The following SEMA3A variants were observed in gnomAD, a reference collection of about 807,000 sequenced individuals.
SEMA3A encodes the protein semaphorin-3A.
SEMA3A carries 29 observed loss-of-function variants against 97.9 expected under a neutral mutation model. That is an observed-to-expected ratio of 0.30 (90% CI 0.22 to 0.40). SEMA3A has a LOEUF of 0.40. SEMA3A is among the 10% of genes least tolerant of loss of function. SEMA3A has a pLI of 1.00. For missense variants in SEMA3A, 763 were observed against 951.3 expected (o/e 0.80, Z 2.60); for synonymous variants, 321 against 323.7 (o/e 0.99, Z 0.09).
intron 1 of SEMA3A, among the ~76,000 whole-genome samples, chr7:84,411,473 G>GC (rs2116250873): frequency 6.6e-6 from 1 of 151,836 alleles, no homozygotes; most frequent in East Asian, 1.9e-4. Context: ...CAAAATATCA[G>GC]CCTAACCAGT....
intron 1 of SEMA3A, among the ~76,000 whole-genome samples, chr7:84,437,228 C>CA (rs1446427615): frequency 1.3e-5 from 2 of 151,918 alleles, no homozygotes; most frequent in Admixed American, 6.6e-5. Flanking sequence ...TCCTAGAGAT[C>CA]AGTTACAATA....
intron 1 of SEMA3A, among the ~76,000 whole-genome samples, chr7:84,180,742 A>G (rs71558712): frequency 0.063 from 9,643 of 152,130 alleles, 357 homozygotes; most frequent in African/African-American, 0.094. Context: ...CTGATGATAC[A>G]CTAAATCCTA....
chr7:84,125,640 C>T (rs1795769696), intron 3 of SEMA3A, among the ~76,000 whole-genome samples: 1 of 152,154 alleles, frequency 6.6e-6, no homozygotes, highest in Non-Finnish European at 1.5e-5. Flanking sequence ...ATTGAGGCTG[C>T]TGAACTAACT....
At chr7:83,995,117 A>G (rs1212839970) in intron 12 of SEMA3A, among the ~76,000 whole-genome samples, 2 of 152,054 alleles carry the variant, frequency 1.3e-5, no homozygotes, top group Admixed American at 6.6e-5. Flanking sequence ...GACTCGGAAA[A>G]GGAACTCCCT....
chr7:84,362,275 C>T (rs1305064768), intron 2 of SEMA3A, among the ~76,000 whole-genome samples: 1 of 151,850 alleles, frequency 6.6e-6, no homozygotes, highest in East Asian at 1.9e-4. Context: ...ATTCAGTTAC[C>T]ATATTTATAA....
At chr7:84,010,407 G>A (rs1790831381) in intron 9 of SEMA3A, among the ~76,000 whole-genome samples, 1 of 152,102 alleles carries the variant, frequency 6.6e-6, no homozygotes, top group African/African-American at 2.4e-5. Flanking sequence ...AAGGTTTAAA[G>A]AATGCAGAAA....
chr7:84,282,571 C>T (rs1317475435), intron 3 of SEMA3A, among the ~76,000 whole-genome samples: 1 of 152,098 alleles, frequency 6.6e-6, no homozygotes, highest in African/African-American at 2.4e-5. Flanking sequence ...ATTCTAACAA[C>T]CTTCTCTAAG....
At chr7:84,207,486 C>T (rs954101304) in intron 3 of SEMA3A, among the ~76,000 whole-genome samples, 13 of 152,116 alleles carry the variant, frequency 8.5e-5, no homozygotes, top group African/African-American at 2.9e-4. Context: ...GGTTAAAGAC[C>T]ATTTTCTTAC....
chr7:84,338,042 T>C (rs10259819), intron 2 of SEMA3A, among the ~76,000 whole-genome samples: 59 of 152,112 alleles, frequency 3.9e-4, no homozygotes, highest in African/African-American at 1.3e-3. Context: ...AATATTTTTA[T>C]CATAATGTTC....
chr7:83,956,915 CT>C lies in SEMA3A; in HGVS notation c.*4455del, dbSNP rs899540731. 31 of 149,404 alleles carry C rather than the reference CT, an allele frequency of 2.1e-4. No homozygotes were observed. The highest frequency in any genetic ancestry group is 4.7e-4 in the Admixed American group (7 of 14,932). 9.3% of individuals were successfully genotyped at this position (149,404 alleles called of 1,614,324 possible). On this transcript the variant is annotated 3_prime_UTR_variant, in exon 17 of 17. Coordinates refer to ENST00000265362, the MANE Select transcript of SEMA3A (RefSeq NM_006080.3). ...ATCTCTCTCCACAAGTTAATTCCTC[CT>C]TTTTTTTTTCTTTGATCCATACCGC...
chr7:84,070,028 AGT>A, intron 4 of SEMA3A, among the ~76,000 whole-genome samples: 1 of 152,266 alleles, frequency 6.6e-6, no homozygotes, highest in South Asian at 2.1e-4. Context: ...GTTTTGGAAG[AGT>A]GTGAAATAGA....
intron 1 of SEMA3A, among the ~76,000 whole-genome samples, chr7:84,147,921 T>G (rs1796511004): frequency 6.6e-6 from 1 of 152,122 alleles, no homozygotes; most frequent in Admixed American, 6.5e-5. Context: ...CCTTCCTTTT[T>G]GTTTTTGAGA....
chr7:84,410,502 A>C (rs1443139098), intron 1 of SEMA3A, among the ~76,000 whole-genome samples: 3 of 152,140 alleles, frequency 2.0e-5, no homozygotes, highest in Non-Finnish European at 4.4e-5. Flanking sequence ...CTTATGTTAC[A>C]TGAAAGCACC....
intron 6 of SEMA3A, among the ~76,000 whole-genome samples, 157 bp downstream of exon 6, chr7:84,046,167 T>G (rs1792339672): frequency 6.6e-6 from 1 of 152,052 alleles, no homozygotes; most frequent in Admixed American, 6.6e-5. Context: ...TTTCTTTCTT[T>G]GCCGAACTTT....
rs181877434 is a variant in SEMA3A, at chr7:84,246,211, A to T, written c.-82-51543T>A. Among the ~76,000 whole-genome samples the T allele has an allele frequency of 1.1e-3, 168 of 152,266 alleles. 2 individuals carry two copies. The East Asian group carries it at 0.03, about 28-fold the overall frequency. ...GTGTTGGTCTTGCTGGGAGCTGCTG[A>T]TGGGAACTGTTCCTATTAGGCTATC... On this transcript the variant is annotated intron_variant, in intron 3 of 3. Transcript: ENST00000424555.
chr7:84,040,223 CT>C (rs59145273), intron 6 of SEMA3A, among the ~76,000 whole-genome samples: 1,385 of 138,050 alleles, frequency 0.01, 16 homozygotes, highest in African/African-American at 0.031. Context: ...TAACAAGTGG[CT>C]TTTTTTTTTT....
intron 3 of SEMA3A, among the ~76,000 whole-genome samples, chr7:84,286,785 G>C (rs373885197): frequency 6.6e-6 from 1 of 152,006 alleles, no homozygotes; most frequent in African/African-American, 2.4e-5. Flanking sequence ...TACTGTTTTA[G>C]GACCTTAGCG....
At chr7:83,982,150 T>C (rs949062463) in intron 13 of SEMA3A, among the ~76,000 whole-genome samples, 10 of 151,522 alleles carry the variant, frequency 6.6e-5, no homozygotes, top group Non-Finnish European at 1.0e-4. Context: ...AAGCATAGGG[T>C]TGAGCATGAA....
At chr7:84,403,782 AG>A (rs1191988291) in intron 1 of SEMA3A, among the ~76,000 whole-genome samples, 2 of 152,186 alleles carry the variant, frequency 1.3e-5, no homozygotes, top group Non-Finnish European at 2.9e-5. Flanking sequence ...CCAGGCAAAC[AG>A]GGTCTGGAGT....
Sources: allele counts gnomAD v4.1 joint callset (sites outside exome capture counted in the v4.1 genomes callset), GRCh38; gene constraint gnomAD v4.1.1; transcripts MANE v1.5; gene names NCBI Gene and HGNC (gene_info 2026-07-23, HGNC 2026-07-21).